FANCA: variants seen among roughly 807,000 people sequenced by gnomAD.
The protein encoded by FANCA is Fanconi anemia group A protein.
FANCA carries 236 observed loss-of-function variants against 194.3 expected under a neutral mutation model. The ratio of observed to expected loss-of-function variants is 1.21; its 90% confidence interval spans 1.09 to 1.35. FANCA has a LOEUF of 1.35. Ranked by LOEUF, FANCA falls within the 40% of genes most tolerant of loss-of-function variation. The probability of loss-of-function intolerance (pLI) is 0.00; values close to 1 mark genes in which losing one functional copy is unlikely to be tolerated. For missense variants in FANCA, 2,628 were observed against 1,813.9 expected (o/e 1.45, Z -8.15); for synonymous variants, 1,014 against 715.8 (o/e 1.42, Z -6.65).
chr16:89,815,442 C>T (rs578070002), intron 2 of FANCA, among the ~76,000 whole-genome samples: 2 of 145,894 alleles, frequency 1.4e-5, no homozygotes, highest in South Asian at 2.3e-4. Flanking sequence ...TTCTGCCTCC[C>T]GGGTCCAGGT....
intron 6 of FANCA, among the ~76,000 whole-genome samples, chr16:89,806,612 T>C (rs1166127104): frequency 6.6e-6 from 1 of 152,074 alleles, no homozygotes; most frequent in Admixed American, 6.6e-5. Flanking sequence ...CCGCCCTTAA[T>C]CCATTTAACC....
At chr16:89,791,576 C>G in intron 13 of FANCA, 40 bp from the exon 14 acceptor site, 1 of 1,612,436 alleles carries the variant, frequency 6.2e-7, no homozygotes, top group Non-Finnish European at 8.5e-7. Context: ...AAGGCAAGGG[C>G]AGCCAGCAGG....
chr16:89,772,404 C>T (rs1247990019), intron 22 of FANCA, among the ~76,000 whole-genome samples: 5 of 152,366 alleles, frequency 3.3e-5, no homozygotes, highest in Middle Eastern at 6.8e-3. Context: ...CCCCAGCTAG[C>T]GCTAACCAAG....
chr16:89,798,490 A>T (rs2040323466), intron 10 of FANCA: 1 of 1,097,314 alleles, frequency 9.1e-7, no homozygotes, highest in South Asian at 3.8e-5. Flanking sequence ...AAGGTTGACA[A>T]GGCCTGGAAA....
intron 15 of FANCA, 123 bp downstream of exon 15, chr16:89,784,731 A>AAGGGGT: frequency 1.3e-6 from 1 of 792,664 alleles, no homozygotes; most frequent in Non-Finnish European, 2.3e-6. Flanking sequence ...GGGGAAGGGG[A>AAGGGGT]AGGGCCTGGC....
chr16:89,783,625 T>C (rs1163491403), intron 15 of FANCA, among the ~76,000 whole-genome samples: 3 of 151,400 alleles, frequency 2.0e-5, no homozygotes, highest in Non-Finnish European at 4.4e-5. Flanking sequence ...AACCCTAATG[T>C]AGCTGGTCCT....
At position 89,810,537 on chromosome 16, in the gene FANCA, A is replaced by C. The variant is rs2040835834; in HGVS notation, c.522+170T>G. 3 of 635,530 alleles carry C rather than the reference A, an allele frequency of 4.7e-6. No individual in the cohort carries two copies. The Admixed American group carries it at 7.9e-5, about 17-fold the overall frequency. 39.4% of individuals were successfully genotyped at this position (635,530 alleles called of 1,614,324 possible). A position where few individuals can be genotyped will look rare whatever the true frequency, so the allele number is the denominator to read the frequency against. ...GGGACAAAAAATGGCAATTGAAGGTACTTCTTTCCAATCCACAGATGATTT... is the reference window on the plus strand; with the variant it reads ...GGGACAAAAAATGGCAATTGAAGGTCCTTCTTTCCAATCCACAGATGATTT... On this transcript the variant is annotated intron_variant, in intron 5 of 42. Coordinates refer to ENST00000389301, the MANE Select transcript of FANCA (RefSeq NM_000135.4).
At chr16:89,786,177 C>T (rs932320228) in intron 14 of FANCA, among the ~76,000 whole-genome samples, 20 of 104,850 alleles carry the variant, frequency 1.9e-4, no homozygotes, top group African/African-American at 6.1e-4. Context: ...TGCCACCAAG[C>T]CCGGTTTTTT....
intron 18 of FANCA, 100 bp downstream of exon 18, chr16:89,779,769 C>A: frequency 7.0e-6 from 7 of 995,408 alleles, no homozygotes; most frequent in Non-Finnish European, 1.1e-5. Flanking sequence ...AGTCTGCACA[C>A]CCTGCAGGCA....
At chr16:89,784,749 CTCAGAGCAGA>C in intron 15 of FANCA, 95 bp downstream of exon 15, 4 of 867,968 alleles carry the variant, frequency 4.6e-6, no homozygotes, top group Non-Finnish European at 8.0e-6. Context: ...GGCTGAGAGG[CTCAGAGCAGA>C]TCTGCAGGAG....
chr16:89,814,548 G>A lies in FANCA; in HGVS notation c.255C>T (p.Ala85=), dbSNP rs780353222. The change falls in exon 3 of 43, where the codon GCC becomes GCT. Residue 85 remains alanine (A), a synonymous_variant. Coordinates refer to ENST00000389301, the MANE Select transcript of FANCA (RefSeq NM_000135.4). The stretch of plus-strand genomic sequence containing the variant: ...TAAATGAACTAGAATGATTAGCATA[G>A]GCCTCAGAACTGTCACAGTCAATCA... ...SKVIDCDSSE[A]YANHSSSFIG... is the part of the protein sequence containing the mutation. The A allele has an allele frequency of 6.2e-7, 1 of 1,613,368 alleles. No individual in the cohort carries two copies.
intron 30 of FANCA, among the ~76,000 whole-genome samples, chr16:89,756,636 A>T (rs1433747245): frequency 1.3e-5 from 2 of 152,188 alleles, no homozygotes; most frequent in African/African-American, 4.8e-5. Flanking sequence ...AATATAAATA[A>T]GACAAAGTAA....
intron 36 of FANCA, 199 bp downstream of exon 36, chr16:89,744,760 G>C: frequency 6.4e-6 from 4 of 623,380 alleles, no homozygotes; most frequent in Non-Finnish European, 1.2e-5. Context: ...GGGTTCAACT[G>C]ATTCTCCTGC....
intron 17 of FANCA, 100 bp downstream of exon 17, chr16:89,782,759 C>T: frequency 9.2e-7 from 1 of 1,081,862 alleles, no homozygotes; most frequent in Non-Finnish European, 1.4e-6. Context: ...AGACATGAGA[C>T]TGGGAAGGCT....
intron 3 of FANCA, among the ~76,000 whole-genome samples, chr16:89,812,745 C>T (rs1474779203): frequency 6.8e-6 from 1 of 146,644 alleles, no homozygotes; most frequent in Non-Finnish European, 1.5e-5. Context: ...TAAGTAAAAA[C>T]ATTTACAGGC....
chr16:89,744,278 A>C (rs1407053954), intron 36 of FANCA, among the ~76,000 whole-genome samples: 1 of 152,190 alleles, frequency 6.6e-6, no homozygotes, highest in Non-Finnish European at 1.5e-5. Context: ...ACTAGTCACA[A>C]AGTAAGGTGT....
Position 89,737,864 on chromosome 16 carries a change from T to G in FANCA, c.*737A>C, listed in dbSNP as rs760386026. 5.1e-5 allele frequency: 82 copies of G among 1,614,154 alleles called. No individual in the cohort carries two copies. The highest frequency in any genetic ancestry group is 6.8e-5 in the Non-Finnish European group (80 of 1,180,024). On this transcript the variant is annotated 3_prime_UTR_variant, in exon 43 of 43. Transcript: ENST00000389301. ...AAACCTTCAAGCAGCGGAAGCACCT[T>G]CTCGTCCACCAAATGCGACATTCGG...
intron 30 of FANCA, among the ~76,000 whole-genome samples, chr16:89,758,056 C>T (rs1279410961): frequency 6.6e-6 from 1 of 152,006 alleles, no homozygotes; most frequent in Non-Finnish European, 1.5e-5. Context: ...GAGGTTTCAC[C>T]ATGTAGGCCA....
intron 11 of FANCA, among the ~76,000 whole-genome samples, chr16:89,795,409 G>A (rs1435392930): frequency 6.6e-6 from 1 of 152,024 alleles, no homozygotes; most frequent in Non-Finnish European, 1.5e-5. Context: ...AGCCAAGGCA[G>A]GTGGAGCACC....
Sources: allele counts gnomAD v4.1 joint callset (sites outside exome capture counted in the v4.1 genomes callset), GRCh38; gene constraint gnomAD v4.1.1; transcripts MANE v1.5; gene names NCBI Gene and HGNC (gene_info 2026-07-23, HGNC 2026-07-21).